Variants in ADCY5 observed in about 807,000 individuals in gnomAD.
ADCY5 encodes the protein adenylate cyclase type 5.
A neutral mutation model predicts 119.7 loss-of-function variants in ADCY5; 30 were observed. That is an observed-to-expected ratio of 0.25 (90% CI 0.19 to 0.34). The LOEUF is 0.34. ADCY5 is among the 10% of genes least tolerant of loss of function. ADCY5 has a pLI of 1.00. For synonymous variants in ADCY5, 753 were observed against 762.2 expected, an observed-to-expected ratio of 0.99 and a Z score of 0.20; for missense variants, 1,324 against 1,775.2, an observed-to-expected ratio of 0.75 and a Z score of 4.57.
chr3:123,377,482 C>T (rs536538260), intron 1 of ADCY5, among the ~76,000 whole-genome samples: 1 of 152,198 alleles, frequency 6.6e-6, no homozygotes, highest in Non-Finnish European at 1.5e-5. Context: ...TGGGTCCCCC[C>T]ACAACAGCCA....
chr3:123,438,135 C>G (rs1654716613), intron 1 of ADCY5, among the ~76,000 whole-genome samples: 1 of 152,134 alleles, frequency 6.6e-6, no homozygotes, highest in Non-Finnish European at 1.5e-5. Context: ...CTCCTCCCAG[C>G]CCCTGAAGAA....
chr3:123,349,694 C>T (rs751892601), intron 2 of ADCY5, among the ~76,000 whole-genome samples: 2 of 152,178 alleles, frequency 1.3e-5, no homozygotes, highest in African/African-American at 2.4e-5. Context: ...TGGCCCGCTC[C>T]TGCCACCCCC....
In ADCY5 at chr3:123,448,109, G is replaced by A. The variant is rs1035079826; in HGVS notation, c.437C>T (p.Ala146Val). 6.3e-6 allele frequency: 7 copies of A among 1,118,630 alleles called. No homozygotes were observed. Among genetic ancestry groups the A allele is most frequent in the African/African-American group, 3.3e-5 (2 of 59,774 alleles). The allele number at this position is 1,118,630 out of a possible 1,614,324, so 69.3% of individuals were successfully genotyped here. A position where few individuals can be genotyped will look rare whatever the true frequency, so the allele number is the denominator to read the frequency against. ...GGGSAAAAAS[A>V]GGTEVRPRSV... Reference sequence around the variant, plus strand: ...GCGAGGGCGCACCTCCGTCCCGCCCGCCGAGGCAGCCGCCGCCGCCGAGCC... The same window carrying A: ...GCGAGGGCGCACCTCCGTCCCGCCCACCGAGGCAGCCGCCGCCGCCGAGCC... Residue 146 changes from alanine (A) to valine (V), a missense_variant, in exon 1 of 21, where the codon GCG (alanine) becomes GTG (valine). Coordinates refer to ENST00000462833, the MANE Select transcript of ADCY5 (RefSeq NM_183357.3).
chr3:123,416,399 A>G, intron 1 of ADCY5: 1 of 1,435,592 alleles, frequency 7.0e-7, no homozygotes, highest in Non-Finnish European at 9.2e-7. Context: ...TAACAGTGGA[A>G]CAGCCTGGAC....
intron 1 of ADCY5, among the ~76,000 whole-genome samples, chr3:123,374,735 G>A (rs1271735189): frequency 6.6e-6 from 1 of 152,112 alleles, no homozygotes; most frequent in Non-Finnish European, 1.5e-5. Flanking sequence ...CTGCAGACTA[G>A]GAATGCTGCT....
chr3:123,325,237 C>T (rs377639012), intron 8 of ADCY5, 85 bp downstream of exon 8: 25 of 1,511,734 alleles, frequency 1.7e-5, no homozygotes, highest in African/African-American at 1.1e-4. Context: ...TTGGGCAACA[C>T]GAGGCATCTG....
In ADCY5 at chr3:123,284,703, T is replaced by C; in HGVS notation, c.3691A>G (p.Asn1231Asp). The C allele has an allele frequency of 6.2e-7, 1 of 1,614,194 alleles. No individual in the cohort carries two copies. Among genetic ancestry groups the C allele is most frequent in the South Asian group, 1.1e-5 (1 of 91,090 alleles). ...CCCCGGCACTCCAGCTGGTACGTGT[T>C]GGCAGCCAGCACCTGGTACATGTCT... ...TTDMYQVLAA[N>D]TYQLECRGVV... The change falls in exon 21 of 21, where the codon AAC (asparagine) becomes GAC (aspartate). Residue 1231 changes from asparagine to aspartate, a missense_variant. By Grantham distance (23) the Asn-to-Asp change is conservative (BLOSUM62 1). Around this residue, in one of 6 missense-constraint regions of ADCY5, gnomAD observed 178 missense variants for 329.6 expected, o/e 0.54. Coordinates refer to ENST00000462833, the MANE Select transcript of ADCY5 (RefSeq NM_183357.3).
chr3:123,327,786 A>G, intron 6 of ADCY5, 27 bp from the exon 7 acceptor site: 1 of 1,612,120 alleles, frequency 6.2e-7, no homozygotes, highest in Admixed American at 1.7e-5. Flanking sequence ...ATCAGGGTGG[A>G]GAGGGCAGAA....
chr3:123,443,571 C>T (rs1945759940), intron 1 of ADCY5, among the ~76,000 whole-genome samples: 2 of 152,160 alleles, frequency 1.3e-5, no homozygotes. Flanking sequence ...GACACACGTG[C>T]TCACAGTCAC....
intron 5 of ADCY5, among the ~76,000 whole-genome samples, 166 bp from the exon 6 acceptor site, chr3:123,328,968 C>T (rs1397030267): frequency 6.6e-6 from 1 of 152,160 alleles, no homozygotes; most frequent in Non-Finnish European, 1.5e-5. Flanking sequence ...GGCACTGGGG[C>T]GGGCGGCAGG....
At chr3:123,345,735 G>GAGACAGAC (rs770505529) in intron 3 of ADCY5, among the ~76,000 whole-genome samples, 16 of 144,134 alleles carry the variant, frequency 1.1e-4, no homozygotes, top group African/African-American at 4.0e-4. Context: ...CAGAGACAGA[G>GAGACAGAC]AGACAGACAG....
At chr3:123,309,158 C>T (rs1196393341) in intron 12 of ADCY5, among the ~76,000 whole-genome samples, 2 of 152,138 alleles carry the variant, frequency 1.3e-5, no homozygotes, top group Non-Finnish European at 2.9e-5. Flanking sequence ...CCAGGTACAT[C>T]GAAGACCTCC....
chr3:123,353,077 G>C (rs368804634), intron 1 of ADCY5, among the ~76,000 whole-genome samples: 4 of 152,304 alleles, frequency 2.6e-5, no homozygotes, highest in African/African-American at 9.6e-5. Flanking sequence ...AAATGCTCTA[G>C]GGAACAAAAG....
chr3:123,379,628 G>A (rs532717090), intron 1 of ADCY5, among the ~76,000 whole-genome samples: 1 of 152,058 alleles, frequency 6.6e-6, no homozygotes, highest in South Asian at 2.1e-4. Context: ...GGGTGGGTGA[G>A]GCAGATGATG....
At chr3:123,307,966 G>A (rs1486789157) in intron 12 of ADCY5, among the ~76,000 whole-genome samples, 2 of 148,218 alleles carry the variant, frequency 1.3e-5, no homozygotes, top group Non-Finnish European at 3.0e-5. Flanking sequence ...GACTGAGTGT[G>A]CACTGGCTTG....
chr3:123,388,043 T>C (rs966609280), intron 1 of ADCY5, among the ~76,000 whole-genome samples: 3 of 152,160 alleles, frequency 2.0e-5, no homozygotes, highest in Non-Finnish European at 4.4e-5. Flanking sequence ...TAGAGAAGCT[T>C]GGCAGAAGAG....
chr3:123,414,234 C>T (rs773147523), intron 1 of ADCY5, among the ~76,000 whole-genome samples: 57 of 152,336 alleles, frequency 3.7e-4, no homozygotes, highest in Admixed American at 3.9e-4. Context: ...GGCCCTCCTG[C>T]CAGCCCCTCT....
intron 2 of ADCY5, among the ~76,000 whole-genome samples, chr3:123,351,842 A>G (rs1211034327): frequency 1.3e-5 from 2 of 152,182 alleles, no homozygotes; most frequent in Non-Finnish European, 2.9e-5. Flanking sequence ...TCTTTGCACC[A>G]GGAATCTGTG....
chr3:123,302,231 T>C (rs1042865592), intron 14 of ADCY5, among the ~76,000 whole-genome samples: 2 of 152,240 alleles, frequency 1.3e-5, no homozygotes, highest in Non-Finnish European at 2.9e-5. Flanking sequence ...GACAGCGAAC[T>C]GCTTCCTGGC....
Sources: gnomAD v4.1 joint callset for allele counts (sites outside exome capture counted in the v4.1 genomes callset) on GRCh38, gnomAD v4.1.1 for gene constraint, gnomAD v4.1.1 regional missense constraint, MANE v1.5 for transcripts, NCBI Gene and HGNC (gene_info 2026-07-23, HGNC 2026-07-21) for gene names.